The following GOLPH3L variants were observed in gnomAD, a reference collection of about 807,000 sequenced individuals.
GOLPH3L encodes the protein golgi phosphoprotein 3 like, also known as Golgi phosphoprotein 3-like.
A neutral mutation model predicts 30.3 loss-of-function variants in GOLPH3L; 22 were observed. That is an observed-to-expected ratio of 0.73 (90% CI 0.52 to 1.04). The LOEUF (loss-of-function observed/expected upper bound fraction) is 1.04, where lower values mean the gene tolerates loss of function less well. Ranked by LOEUF, GOLPH3L falls within the 50% of genes least tolerant of loss-of-function variation. The probability of loss-of-function intolerance (pLI) is 0.00; values close to 1 mark genes in which losing one functional copy is unlikely to be tolerated. For missense variants in GOLPH3L, 303 were observed against 345.8 expected, an observed-to-expected ratio of 0.88 and a Z score of 0.98; for synonymous variants, 120 against 128.2, an observed-to-expected ratio of 0.94 and a Z score of 0.43.
chr1:150,664,404 G>A (rs1650447931), intron 2 of GOLPH3L, among the ~76,000 whole-genome samples: 2 of 152,044 alleles, frequency 1.3e-5, no homozygotes. Context: ...TCAGAAAAAA[G>A]TAAAAAGCAT....
chr1:150,663,871 T>G, intron 2 of GOLPH3L, 108 bp from the exon 3 acceptor site: 1 of 798,176 alleles, frequency 1.3e-6, no homozygotes, highest in Non-Finnish European at 2.1e-6. Context: ...CACATCATAC[T>G]ACATGAACTC....
At chr1:150,673,391 G>A (rs916729851) in intron 2 of GOLPH3L, among the ~76,000 whole-genome samples, 1 of 151,928 alleles carries the variant, frequency 6.6e-6, no homozygotes, top group South Asian at 2.1e-4. Flanking sequence ...GTGAAACCCT[G>A]TCTCTACTAA....
At chr1:150,696,374 G>A (rs184521430) in intron 1 of GOLPH3L, among the ~76,000 whole-genome samples, 1 of 152,120 alleles carries the variant, frequency 6.6e-6, no homozygotes, top group East Asian at 1.9e-4. Flanking sequence ...GTTTCACAGA[G>A]CTTTATTTAT....
At chr1:150,678,827 G>A (rs191739100) in intron 2 of GOLPH3L, among the ~76,000 whole-genome samples, 3 of 152,098 alleles carry the variant, frequency 2.0e-5, no homozygotes, top group Admixed American at 2.0e-4. Context: ...GGTGGCACAC[G>A]CCTGTAGTCC....
At position 150,661,807 on chromosome 1, in the gene GOLPH3L, A is replaced by T; in HGVS notation, c.430+7T>A. On this transcript the variant is annotated splice_region_variant and intron_variant, in intron 4 of 4. Coordinates refer to ENST00000271732, the MANE Select transcript of GOLPH3L (RefSeq NM_018178.6). ...TGAAATTCATATATTATTTTAAGTCATCTTACCAGTGAGTAGCTCTATCCA... is the reference window on the plus strand; with the variant it reads ...TGAAATTCATATATTATTTTAAGTCTTCTTACCAGTGAGTAGCTCTATCCA... 8.4e-7 allele frequency: 1 copy of T among 1,189,762 alleles called. No individual in the cohort carries two copies. Among genetic ancestry groups the T allele is most frequent in the East Asian group, 2.3e-5 (1 of 42,988 alleles). 73.7% of individuals were successfully genotyped at this position (1,189,762 alleles called of 1,614,324 possible).
chr1:150,671,671 G>A (rs1400871140), intron 2 of GOLPH3L, among the ~76,000 whole-genome samples: 1 of 151,964 alleles, frequency 6.6e-6, no homozygotes, highest in East Asian at 1.9e-4. Flanking sequence ...CGGGTGTGGT[G>A]CCGCATGCCT....
At chr1:150,686,027 AC>A (rs1347205599) in intron 2 of GOLPH3L, among the ~76,000 whole-genome samples, 1 of 151,744 alleles carries the variant, frequency 6.6e-6, no homozygotes, top group African/African-American at 2.4e-5. Flanking sequence ...GGTGCGTGCC[AC>A]CACACCCGGC....
At chr1:150,664,288 G>C (rs888535909) in intron 2 of GOLPH3L, among the ~76,000 whole-genome samples, 1 of 152,128 alleles carries the variant, frequency 6.6e-6, no homozygotes, top group African/African-American at 2.4e-5. Flanking sequence ...ACAGACATGA[G>C]TGACTGCACC....
At chr1:150,681,875 T>C (rs1183069766) in intron 2 of GOLPH3L, among the ~76,000 whole-genome samples, 2 of 152,034 alleles carry the variant, frequency 1.3e-5, no homozygotes, top group Non-Finnish European at 2.9e-5. Flanking sequence ...AAGACCAGCC[T>C]GGCCAACGTG....
intron 4 of GOLPH3L, among the ~76,000 whole-genome samples, chr1:150,650,322 A>T (rs1650076754): frequency 1.3e-5 from 2 of 152,258 alleles, no homozygotes; most frequent in South Asian, 4.1e-4. Flanking sequence ...CAGTGACATC[A>T]GAGGCTGCAC....
chr1:150,668,035 C>T (rs982064878), intron 2 of GOLPH3L, among the ~76,000 whole-genome samples: 1 of 152,150 alleles, frequency 6.6e-6, no homozygotes, highest in East Asian at 1.9e-4. Flanking sequence ...ATAACCTTCT[C>T]TAACATTGTT....
In GOLPH3L at chr1:150,658,611, G is replaced by A. The variant is rs587600593; in HGVS notation, c.430+3203C>T. Among the ~76,000 whole-genome samples, 38 of 152,280 alleles carry A rather than the reference G, an allele frequency of 2.5e-4. 1 individual carries two copies. The South Asian group carries it at 5.6e-3, about 22-fold the overall frequency. ...ATTGCAGAACAGGAAGAGGTGCTGCGCAATGATTCTTATGGAATCATTACT... is the reference window on the plus strand; with the variant it reads ...ATTGCAGAACAGGAAGAGGTGCTGCACAATGATTCTTATGGAATCATTACT... On this transcript the variant is annotated intron_variant, in intron 4 of 4. Coordinates refer to ENST00000271732, the MANE Select transcript of GOLPH3L (RefSeq NM_018178.6).
intron 2 of GOLPH3L, among the ~76,000 whole-genome samples, chr1:150,675,428 T>G (rs1436655285): frequency 1.3e-5 from 2 of 152,134 alleles, no homozygotes; most frequent in African/African-American, 4.8e-5. Flanking sequence ...TCTGTATACA[T>G]AAAATACATG....
At chr1:150,682,701 C>T (rs1298203383) in intron 2 of GOLPH3L, among the ~76,000 whole-genome samples, 1 of 145,190 alleles carries the variant, frequency 6.9e-6, no homozygotes, top group East Asian at 2.1e-4. Context: ...AAATGTATTT[C>T]ACTTTTAAAG....
In GOLPH3L at chr1:150,697,064, C is replaced by T. The variant is rs1398902685; in HGVS notation, c.-85G>A. 1 of 152,116 alleles carries T rather than the reference C, an allele frequency of 6.6e-6. No individual in the cohort carries two copies. Among genetic ancestry groups the T allele is most frequent in the African/African-American group, 2.4e-5 (1 of 41,380 alleles). 9.4% of individuals were successfully genotyped at this position (152,116 alleles called of 1,614,324 possible). On this transcript the variant is annotated 5_prime_UTR_variant, in exon 1 of 5. Transcript: ENST00000271732. ...TGTATTTTAGAAGGACACCTGTTCT[C>T]CCCACCCCACCCCCGTCCTAGTAGG... is the stretch of plus-strand genomic sequence containing the variant.
At position 150,660,054 on chromosome 1, in the gene GOLPH3L, C is replaced by T. The variant is rs1229311101; in HGVS notation, c.430+1760G>A. On this transcript the variant is annotated intron_variant, in intron 4 of 4. Transcript: ENST00000271732. ...ATCTCATAAATAAATACAAAAAAAC[C>T]TCAACAACAACAAAACAATCAAACT... is the stretch of plus-strand genomic sequence containing the variant. 4.0e-5 allele frequency among the ~76,000 whole-genome samples: 6 copies of T among 151,862 alleles called. No homozygotes were observed. In the East Asian group the frequency reaches 1.2e-3, roughly 29 times the overall value.
intron 2 of GOLPH3L, among the ~76,000 whole-genome samples, chr1:150,692,182 C>A (rs1651229570): frequency 6.6e-6 from 1 of 152,062 alleles, no homozygotes; most frequent in Non-Finnish European, 1.5e-5. Context: ...AGTTGGGAAT[C>A]AATTTAATAT....
At chr1:150,659,809 G>A (rs1230342556) in intron 4 of GOLPH3L, among the ~76,000 whole-genome samples, 1 of 152,142 alleles carries the variant, frequency 6.6e-6, no homozygotes, top group African/African-American at 2.4e-5. Flanking sequence ...AAGATGGGTA[G>A]ACTGTCTGAG....
At chr1:150,669,734 G>A (rs898531360) in intron 2 of GOLPH3L, among the ~76,000 whole-genome samples, 14 of 152,154 alleles carry the variant, frequency 9.2e-5, no homozygotes, top group African/African-American at 3.4e-4. Flanking sequence ...GGTCAAGGCG[G>A]GTGGATCACC....
Sources: gnomAD v4.1 joint callset for allele counts (sites outside exome capture counted in the v4.1 genomes callset) on GRCh38, gnomAD v4.1.1 for gene constraint, MANE v1.5 for transcripts, NCBI Gene and HGNC (gene_info 2026-07-23, HGNC 2026-07-21) for gene names.